Variants in CDKL5 observed in about 807,000 individuals in gnomAD.
The protein encoded by CDKL5 is cyclin-dependent kinase-like 5.
Under a neutral mutation model 61.7 loss-of-function variants are expected in CDKL5, and 8 were observed. That is an observed-to-expected ratio of 0.13 (90% CI 0.08 to 0.23). CDKL5 has a LOEUF of 0.23. CDKL5 is among the 10% of genes least tolerant of loss of function. The probability of loss-of-function intolerance (pLI) is 1.00; values close to 1 mark genes in which losing one functional copy is unlikely to be tolerated. For missense variants in CDKL5, 440 were observed against 734.5 expected, an observed-to-expected ratio of 0.60 and a Z score of 4.63; for synonymous variants, 275 against 272.3, an observed-to-expected ratio of 1.01 and a Z score of -0.10.
chrX:18,595,096 C>T (rs370228121), intron 9 of CDKL5, among the ~76,000 whole-genome samples: 2 of 111,785 alleles, frequency 1.8e-5, no homozygotes. Flanking sequence ...GCAGGAGAAT[C>T]GCATGAACCC....
At chrX:18,583,684 G>A (rs1331465241) in intron 7 of CDKL5, among the ~76,000 whole-genome samples, 2 of 111,072 alleles carry the variant, frequency 1.8e-5, no homozygotes, top group Admixed American at 9.6e-5. Flanking sequence ...AAAGGGTGGG[G>A]GTAAAAGTAG....
chrX:18,609,843 C>A (rs1014254831), intron 14 of CDKL5, among the ~76,000 whole-genome samples: 9 of 111,836 alleles, frequency 8.0e-5, no homozygotes, highest in African/African-American at 2.9e-4. Context: ...CCATACCACT[C>A]ATTTTGTTCT....
chrX:18,510,586 T>G (rs1325856407), intron 2 of CDKL5, among the ~76,000 whole-genome samples: 1 of 112,805 alleles, frequency 8.9e-6, no homozygotes, highest in Non-Finnish European at 1.9e-5. Flanking sequence ...GAAATTTTCT[T>G]TAAAAAGAAA....
In CDKL5 at chrX:18,572,748, G is replaced by A. The variant is rs766705992; in HGVS notation, c.146-2606G>A. The stretch of plus-strand genomic sequence containing the variant: ...AGATTTCCTTATGGCCACAGGTGAA[G>A]CATTCATGTAGGAAGAATGTATTGA... On this transcript the variant is annotated intron_variant, in intron 4 of 17. Coordinates refer to ENST00000623535, the MANE Select transcript of CDKL5 (RefSeq NM_001323289.2). Among the ~76,000 whole-genome samples, 7 of 112,050 alleles carry A rather than the reference G, an allele frequency of 6.2e-5. No homozygotes were observed. In the East Asian group the frequency reaches 2.0e-3, roughly 32 times the overall value.
chrX:18,580,018 TAA>T (rs1172816565), intron 6 of CDKL5, 50 bp downstream of exon 6: 2 of 1,012,597 alleles, frequency 2.0e-6, no homozygotes, highest in Non-Finnish European at 2.8e-6. Flanking sequence ...CAAATAAAGT[TAA>T]GAGTATTTCA....
chrX:18,533,969 C>T (rs188374070), intron 3 of CDKL5, among the ~76,000 whole-genome samples: 2 of 111,850 alleles, frequency 1.8e-5, no homozygotes, highest in African/African-American at 6.5e-5. Flanking sequence ...CCATGGCCTC[C>T]GTCTTGCCCC....
intron 3 of CDKL5, among the ~76,000 whole-genome samples, chrX:18,549,085 T>G (rs1366058883): frequency 1.8e-5 from 2 of 112,020 alleles, no homozygotes; most frequent in Non-Finnish European, 3.8e-5. Context: ...TATTGAGCAC[T>G]AATTTATTAC....
chrX:18,536,044 TAAAC>T (rs1448402436), intron 3 of CDKL5: 2 of 112,374 alleles, frequency 1.8e-5, no homozygotes, highest in Admixed American at 9.4e-5. Context: ...ACAGAGTTCT[TAAAC>T]AAAAGCAAAA....
intron 20 of CDKL5, among the ~76,000 whole-genome samples, chrX:18,646,986 G>A (rs190045136): frequency 1.3e-4 from 14 of 108,609 alleles, no homozygotes; most frequent in East Asian, 2.9e-4. Context: ...GTGTGATCTC[G>A]GCTCACTGTA....
At chrX:18,556,655 G>A (rs1924612109) in intron 3 of CDKL5, among the ~76,000 whole-genome samples, 1 of 110,875 alleles carries the variant, frequency 9.0e-6, no homozygotes, top group East Asian at 2.8e-4. Flanking sequence ...CTTTTTCTGG[G>A]ACCATACTGG....
chrX:18,544,277 C>T (rs1286636231), intron 3 of CDKL5, among the ~76,000 whole-genome samples: 1 of 112,115 alleles, frequency 8.9e-6, no homozygotes, highest in African/African-American at 3.2e-5. Flanking sequence ...GAAACTAGAT[C>T]TCAGGGATAC....
intron 11 of CDKL5, among the ~76,000 whole-genome samples, chrX:18,601,037 C>T (rs1412082533): frequency 8.9e-6 from 1 of 111,748 alleles, no homozygotes; most frequent in Non-Finnish European, 1.9e-5. Flanking sequence ...CGATGGCTCC[C>T]TAAGACTTCT....
At chrX:18,640,434 A>ACCC (rs753767629), downstream of CDKL5, 16 of 49,190 alleles carry the variant, frequency 3.3e-4, no homozygotes, top group East Asian at 2.7e-3. Flanking sequence ...AAGTCCCCCC[A>ACCC]CCCCCCCCCC....
intron 3 of CDKL5, among the ~76,000 whole-genome samples, chrX:18,544,441 T>C (rs769151341): frequency 8.9e-6 from 1 of 112,323 alleles, no homozygotes; most frequent in East Asian, 2.8e-4. Context: ...ATTTTACTTG[T>C]ATCTTCTCAT....
At chrX:18,443,008 A>G (rs1931789304) in intron 1 of CDKL5, among the ~76,000 whole-genome samples, 1 of 111,761 alleles carries the variant, frequency 8.9e-6, no homozygotes, top group Non-Finnish European at 1.9e-5. Context: ...CCCCTCTTCC[A>G]TGTTAATGTT....
intron 1 of CDKL5, chrX:18,426,502 C>G (rs1931371142): frequency 8.9e-6 from 1 of 112,102 alleles, no homozygotes. Context: ...TTTTGTTTTT[C>G]GCTTCATTTG....
intron 2 of CDKL5, among the ~76,000 whole-genome samples, chrX:18,509,273 G>A (rs1415732762): frequency 1.9e-5 from 2 of 105,595 alleles, no homozygotes; most frequent in African/African-American, 7.0e-5. Context: ...CTGCATTCTT[G>A]TAGTTTAGAC....
chrX:18,593,108 G>A, intron 9 of CDKL5, among the ~76,000 whole-genome samples: 1 of 112,208 alleles, frequency 8.9e-6, no homozygotes, highest in Non-Finnish European at 1.9e-5. Flanking sequence ...TTTGTAAAAT[G>A]TCTAGACCAG....
chrX:18,508,771 T>A (rs1402979724), intron 2 of CDKL5, among the ~76,000 whole-genome samples: 2 of 110,141 alleles, frequency 1.8e-5, no homozygotes. Flanking sequence ...ACCTCACATG[T>A]ATTTTTGGCT....
Sources: gnomAD v4.1 joint callset for allele counts (sites outside exome capture counted in the v4.1 genomes callset) on GRCh38, gnomAD v4.1.1 for gene constraint, MANE v1.5 for transcripts, NCBI Gene and HGNC (gene_info 2026-07-23, HGNC 2026-07-21) for gene names.